WNK3: variants seen among roughly 807,000 people sequenced by gnomAD.
WNK3 encodes the protein WNK lysine deficient protein kinase 3, also known as serine/threonine-protein kinase WNK3.
A neutral mutation model predicts 116.7 loss-of-function variants in WNK3; 18 were observed. That is an observed-to-expected ratio of 0.15 (90% confidence interval 0.11 to 0.23). The LOEUF (loss-of-function observed/expected upper bound fraction) is 0.23. Among genes scored for constraint, WNK3 ranks in the 10% least tolerant of loss-of-function variants. The probability of loss-of-function intolerance (pLI) is 1.00; values close to 1 mark genes in which losing one functional copy is unlikely to be tolerated. For missense variants in WNK3, 993 were observed against 1,323.8 expected (o/e 0.75, Z 3.88); for synonymous variants, 404 against 469.4 (o/e 0.86, Z 1.80).
At chrX:54,222,932 A>AG (rs2067786226) in intron 22 of WNK3, among the ~76,000 whole-genome samples, 1 of 97,507 alleles carries the variant, frequency 1.0e-5, no homozygotes, top group Non-Finnish European at 2.0e-5. Context: ...ATATATATAT[A>AG]TATATATAAA....
chrX:54,348,148 G>C (rs1389910125), intron 1 of WNK3, among the ~76,000 whole-genome samples: 1 of 110,114 alleles, frequency 9.1e-6, no homozygotes, highest in Admixed American at 9.9e-5. Flanking sequence ...GTGTGTGTGT[G>C]TGTGTATCCC....
intron 11 of WNK3, 63 bp from the exon 12 acceptor site, chrX:54,255,950 C>A: frequency 2.1e-6 from 2 of 952,089 alleles, no homozygotes; most frequent in South Asian, 2.5e-5. Flanking sequence ...AAGAAAAACT[C>A]CCAATTATAA....
chrX:54,195,987 A>G (rs1569534532), exon 24 of WNK3: 2 of 110,920 alleles, frequency 1.8e-5, no homozygotes, highest in Non-Finnish European at 3.8e-5. Flanking sequence ...CACTGTTTAA[A>G]ATGATTGTGA....
intron 5 of WNK3, among the ~76,000 whole-genome samples, chrX:54,305,820 C>T (rs1557168507): frequency 9.1e-6 from 1 of 110,459 alleles, no homozygotes; most frequent in East Asian, 2.8e-4. Flanking sequence ...CTTTGGGAGG[C>T]CAAGGTGGGT....
At chrX:54,224,600 C>CGCTCTGTCGCCCAGGCTGGAGT (rs782218788) in intron 22 of WNK3, among the ~76,000 whole-genome samples, 1,914 of 106,500 alleles carry the variant, frequency 0.018, 79 homozygotes, top group African/African-American at 0.065. Flanking sequence ...GATGGAGTCT[C>CGCTCTGTCGCCCAGGCTGGAGT]GCTCTGTCGC....
At chrX:54,256,359 G>A (rs2068192885) in intron 11 of WNK3, among the ~76,000 whole-genome samples, 1 of 111,808 alleles carries the variant, frequency 8.9e-6, no homozygotes, top group Non-Finnish European at 1.9e-5. Context: ...ACTCAACAGG[G>A]TAGACCAGGT....
intron 8 of WNK3, among the ~76,000 whole-genome samples, chrX:54,294,203 T>G (rs1345924665): frequency 9.0e-6 from 1 of 111,415 alleles, no homozygotes; most frequent in Non-Finnish European, 1.9e-5. Context: ...AGGATTTATG[T>G]TAGACCCTCA....
chrX:54,239,157 A>AAACAAAACAC, intron 17 of WNK3, 58 bp from the exon 18 acceptor site: 1 of 753,901 alleles, frequency 1.3e-6, no homozygotes, highest in Non-Finnish European at 1.8e-6. Context: ...AAACAAAACA[A>AAACAAAACAC]CCGAGAAAAA....
intron 11 of WNK3, among the ~76,000 whole-genome samples, chrX:54,257,257 C>T (rs1234127791): frequency 9.1e-6 from 1 of 110,444 alleles, no homozygotes; most frequent in African/African-American, 3.3e-5. Context: ...TTCCCCAGTG[C>T]CGCTGGTAGG....
rs781868621 is a variant in WNK3, at chrX:54,301,866, G to GA, written c.1090-8dup. ...AGCTGGCTGGTTTTATGCCCTAGGA[G>GA]AAAAAAATGGTTTCTAGTAACAATG... is the stretch of plus-strand genomic sequence containing the variant. On this transcript the variant is annotated splice_region_variant and splice_polypyrimidine_tract_variant and intron_variant, in intron 5 of 23. Transcript: ENST00000354646. The GA allele has an allele frequency of 1.0e-5, 12 of 1,181,487 alleles. No individual in the cohort carries two copies. The South Asian group carries it at 1.8e-4, about 18-fold the overall frequency.
chrX:54,294,929 G>C, intron 7 of WNK3, 82 bp from the exon 8 acceptor site: 1 of 879,104 alleles, frequency 1.1e-6, no homozygotes, highest in Non-Finnish European at 1.5e-6. Flanking sequence ...ACAGAGTCTA[G>C]CTCTGTCGCC....
intron 2 of WNK3, among the ~76,000 whole-genome samples, chrX:54,320,940 A>G (rs1457865161): frequency 9.1e-6 from 1 of 110,018 alleles, no homozygotes; most frequent in Admixed American, 9.8e-5. Context: ...TCTGTCACCC[A>G]GGCTGGAGTG....
intron 1 of WNK3, among the ~76,000 whole-genome samples, chrX:54,342,997 A>C (rs2069350402): frequency 9.0e-6 from 1 of 110,580 alleles, no homozygotes; most frequent in Non-Finnish European, 1.9e-5. Context: ...TACAGGCGTG[A>C]GCCTCCACAC....
chrX:54,349,269 C>T (rs2069479740), intron 1 of WNK3, among the ~76,000 whole-genome samples: 3 of 111,763 alleles, frequency 2.7e-5, no homozygotes, highest in Admixed American at 9.5e-5. Flanking sequence ...ACCAGGGAGG[C>T]GGAGGTTGCA....
chrX:54,288,759 G>T (rs1342854817), intron 10 of WNK3, among the ~76,000 whole-genome samples: 1 of 111,463 alleles, frequency 9.0e-6, no homozygotes, highest in Non-Finnish European at 1.9e-5. Flanking sequence ...ATGTGTCTGT[G>T]TATCTAAGGT....
chrX:54,220,891 A>C (rs1461155444), intron 22 of WNK3, among the ~76,000 whole-genome samples: 8 of 111,419 alleles, frequency 7.2e-5, no homozygotes, highest in African/African-American at 2.3e-4. Flanking sequence ...AATAGAAGGT[A>C]TTAAGAATAC....
At chrX:54,345,284 ATGTATG>A (rs1321373699) in intron 1 of WNK3, among the ~76,000 whole-genome samples, 4 of 68,592 alleles carry the variant, frequency 5.8e-5, no homozygotes, top group South Asian at 5.3e-4. Flanking sequence ...CTATATATAT[ATGTATG>A]TATGTATGTA....
chrX:54,326,191 C>T (rs1557173358), intron 2 of WNK3, among the ~76,000 whole-genome samples: 1 of 107,600 alleles, frequency 9.3e-6, no homozygotes, highest in East Asian at 2.9e-4. Flanking sequence ...CCTGGGTTCA[C>T]GCCATTCTCC....
chrX:54,310,557 T>TAATAA (rs1303174193), intron 3 of WNK3, among the ~76,000 whole-genome samples: 27 of 104,670 alleles, frequency 2.6e-4, no homozygotes, highest in African/African-American at 4.5e-4. Context: ...TCCCAAAAAA[T>TAATAA]AATAAAATAA....
Sources: allele counts gnomAD v4.1 joint callset (sites outside exome capture counted in the v4.1 genomes callset), GRCh38; gene constraint gnomAD v4.1.1; transcripts MANE v1.5; gene names NCBI Gene and HGNC (gene_info 2026-07-23, HGNC 2026-07-21).